MUSK: variants seen among roughly 807,000 people sequenced by gnomAD.
The protein encoded by MUSK is muscle, skeletal receptor tyrosine-protein kinase.
MUSK carries 55 observed loss-of-function variants against 88.7 expected under a neutral mutation model. The ratio of observed to expected loss-of-function variants is 0.62; its 90% confidence interval spans 0.50 to 0.78. The LOEUF is 0.78. Among genes scored for constraint, MUSK ranks in the 30% least tolerant of loss-of-function variants. The pLI is 0.00. For synonymous variants in MUSK, 387 were observed against 391.9 expected, an observed-to-expected ratio of 0.99 and a Z score of 0.15; for missense variants, 1,015 against 1,074.3, an observed-to-expected ratio of 0.94 and a Z score of 0.77.
chr9:110,710,510 A>G (rs1416797481), intron 5 of MUSK, among the ~76,000 whole-genome samples: 1 of 152,194 alleles, frequency 6.6e-6, no homozygotes, highest in Non-Finnish European at 1.5e-5. Flanking sequence ...AATTTCATAA[A>G]TAGAATGTCA....
chr9:110,724,419 G>C (rs942960290), intron 5 of MUSK, among the ~76,000 whole-genome samples: 10 of 151,848 alleles, frequency 6.6e-5, no homozygotes, highest in Non-Finnish European at 1.0e-4. Flanking sequence ...ATTCATATAA[G>C]ATATTTCAGG....
At chr9:110,771,081 A>G (rs944675031) in intron 9 of MUSK, among the ~76,000 whole-genome samples, 1 of 151,534 alleles carries the variant, frequency 6.6e-6, no homozygotes, top group Non-Finnish European at 1.5e-5. Context: ...TGACAAACGT[A>G]TACAACAATG....
At chr9:110,786,203 C>T (rs373072867) in intron 13 of MUSK, among the ~76,000 whole-genome samples, 2 of 148,468 alleles carry the variant, frequency 1.3e-5, no homozygotes, top group East Asian at 4.0e-4. Flanking sequence ...CCTAGCTACT[C>T]GGGAGTCTGA....
intron 6 of MUSK, among the ~76,000 whole-genome samples, chr9:110,745,044 G>C (rs1302533483): frequency 6.6e-6 from 1 of 152,132 alleles, no homozygotes; most frequent in Non-Finnish European, 1.5e-5. Context: ...TTCAAACTAT[G>C]ACTAATGGGG....
intron 3 of MUSK, among the ~76,000 whole-genome samples, chr9:110,693,885 T>C (rs1191384266): frequency 6.6e-6 from 1 of 152,168 alleles, no homozygotes; most frequent in Non-Finnish European, 1.5e-5. Context: ...TCCCAGCAAC[T>C]GTATGACAAT....
At position 110,803,159 on chromosome 9, in the gene MUSK, T is replaced by G. The variant is rs1043847475; in HGVS notation, c.*2171T>G. The stretch of plus-strand genomic sequence containing the variant: ...ACATAGAAGTCAGGCTGACAGAAAA[T>G]AGAGTAACAGTAATCATAAAAATTA... On this transcript the variant is annotated 3_prime_UTR_variant, in exon 15 of 15. Transcript: ENST00000374448. Among the ~76,000 whole-genome samples the G allele has an allele frequency of 6.6e-6, 1 of 152,110 alleles. No individual in the cohort carries two copies. Among genetic ancestry groups the G allele is most frequent in the Non-Finnish European group, 1.5e-5 (1 of 68,006 alleles).
chr9:110,677,071 C>A (rs973334725), intron 1 of MUSK, among the ~76,000 whole-genome samples: 2 of 152,108 alleles, frequency 1.3e-5, no homozygotes, highest in African/African-American at 4.8e-5. Flanking sequence ...CTCTGAGCCC[C>A]ACATAAATCT....
intron 6 of MUSK, among the ~76,000 whole-genome samples, chr9:110,740,828 T>C (rs907952660): frequency 3.3e-5 from 5 of 152,170 alleles, no homozygotes; most frequent in African/African-American, 1.2e-4. Context: ...CCTGAACCCT[T>C]ATTCAAAGGC....
At chr9:110,675,559 T>TC (rs1564205511) in intron 1 of MUSK, among the ~76,000 whole-genome samples, 3 of 129,300 alleles carry the variant, frequency 2.3e-5, no homozygotes, top group East Asian at 2.3e-4. Context: ...TCAATAGTCT[T>TC]CCCTTTTTTT....
chr9:110,767,859 C>T lies in MUSK; in HGVS notation c.960C>T (p.Tyr320=), dbSNP rs746206053. 1.9e-6 allele frequency: 3 copies of T among 1,613,972 alleles called. No individual in the cohort carries two copies. The highest frequency in any genetic ancestry group is 1.1e-5 in the South Asian group (1 of 91,074). Residue 320 remains tyrosine, a synonymous_variant, in exon 9 of 15, where the codon TAC becomes TAT. Transcript: ENST00000374448. ...ATAACAAAGGCTACTGCGCCCAGTA[C>T]AGAGGGGAGGTGTGTAATGCAGTCC... is the stretch of plus-strand genomic sequence containing the variant. ...QKDNKGYCAQ[Y]RGEVCNAVLA...
At chr9:110,701,912 T>A (rs533300716) in intron 5 of MUSK, among the ~76,000 whole-genome samples, 1 of 132,528 alleles carries the variant, frequency 7.5e-6, no homozygotes, top group Non-Finnish European at 1.6e-5. Flanking sequence ...TTATTTTATT[T>A]TATTTTATTT....
Position 110,785,732 on chromosome 9 carries a change from T to TG in MUSK, c.1778+16dup. On this transcript the variant is annotated intron_variant, in intron 13 of 14. Coordinates refer to ENST00000374448, the MANE Select transcript of MUSK (RefSeq NM_005592.4). ...GTTTCAAGCAAGGTAAAGTTACCTA[T>TG]GGAAAAAAAAACTCCATTGAAATAT... 3 of 1,572,982 alleles carry TG rather than the reference T, an allele frequency of 1.9e-6. No individual in the cohort carries two copies. The highest frequency in any genetic ancestry group is 2.6e-6 in the Non-Finnish European group (3 of 1,159,510).
intron 1 of MUSK, among the ~76,000 whole-genome samples, chr9:110,670,316 C>T (rs2075941070): frequency 1.3e-5 from 2 of 152,144 alleles, no homozygotes; most frequent in Non-Finnish European, 2.9e-5. Flanking sequence ...AACGGATGTC[C>T]GGTAAGGCCC....
At chr9:110,721,304 C>T (rs1305565404) in intron 5 of MUSK, among the ~76,000 whole-genome samples, 1 of 152,160 alleles carries the variant, frequency 6.6e-6, no homozygotes, top group African/African-American at 2.4e-5. Context: ...CAGAATGTCA[C>T]TGTTTGCTGA....
At chr9:110,688,592 A>G (rs553086803) in intron 3 of MUSK, among the ~76,000 whole-genome samples, 5 of 151,846 alleles carry the variant, frequency 3.3e-5, no homozygotes, top group Admixed American at 1.3e-4. Flanking sequence ...CATCCATTCT[A>G]TTCTTCTTGA....
At position 110,682,678 on chromosome 9, in the gene MUSK, T is replaced by C. The variant is rs778144783; in HGVS notation, c.84T>C (p.Pro28=). The C allele has an allele frequency of 1.9e-6, 3 of 1,611,760 alleles. No homozygotes were observed. In the African/African-American group the frequency reaches 4.0e-5, roughly 22 times the overall value. The change falls in exon 2 of 15, where the codon CCT becomes CCC. Residue 28 remains proline (P), a synonymous_variant. Coordinates refer to ENST00000374448, the MANE Select transcript of MUSK (RefSeq NM_005592.4). ...TGATTTCTCCTTTCCTTTCAGCTCC[T>C]GTCATCACCACTCCTCTTGAAACAG... The part of the protein sequence containing the change: ...FSGTEKLPKA[P]VITTPLETVD...
intron 7 of MUSK, among the ~76,000 whole-genome samples, chr9:110,758,891 C>G (rs1251182237): frequency 6.6e-6 from 1 of 152,070 alleles, no homozygotes; most frequent in Non-Finnish European, 1.5e-5. Flanking sequence ...TTACAAAACA[C>G]TGCTCAATGT....
intron 11 of MUSK, among the ~76,000 whole-genome samples, chr9:110,780,495 A>G (rs983713455): frequency 6.6e-6 from 1 of 152,202 alleles, no homozygotes; most frequent in Non-Finnish European, 1.5e-5. Context: ...TTCTGATTCA[A>G]TTGTTATTAA....
At chr9:110,706,499 T>C (rs1417588398) in intron 5 of MUSK, among the ~76,000 whole-genome samples, 1 of 152,132 alleles carries the variant, frequency 6.6e-6, no homozygotes. Context: ...TTGTTTTTCT[T>C]ATATATCTGA....
Sources: allele counts gnomAD v4.1 joint callset (sites outside exome capture counted in the v4.1 genomes callset), GRCh38; gene constraint gnomAD v4.1.1; transcripts MANE v1.5; gene names NCBI Gene and HGNC (gene_info 2026-07-23, HGNC 2026-07-21).